Variants in CADM2 observed in about 807,000 individuals in gnomAD.
CADM2 encodes the protein immunoglobulin superfamily member 4D.
A neutral mutation model predicts 49.8 loss-of-function variants in CADM2; 12 were observed. The observed-to-expected ratio is 0.24, with a 90% CI of 0.15 to 0.39. CADM2 has a LOEUF of 0.39. CADM2 is among the 10% of genes least tolerant of loss of function. CADM2 has a pLI of 1.00. For missense variants in CADM2, 378 were observed against 492.3 expected (o/e 0.77, Z 2.20); for synonymous variants, 214 against 175.4 (o/e 1.22, Z -1.74).
At position 85,999,264 on chromosome 3, in the gene CADM2, C is replaced by T. The variant is rs539109580; in HGVS notation, c.970+37617C>T. 3.6e-4 allele frequency among the ~76,000 whole-genome samples: 48 copies of T among 135,156 alleles called. 1 individual carries two copies. Among genetic ancestry groups the T allele is most frequent in the African/African-American group, 1.3e-3 (46 of 35,788 alleles). 88.7% of individuals were successfully genotyped at this position (135,156 alleles called of 152,430 possible). A position where few individuals can be genotyped will look rare whatever the true frequency, so the allele number is the denominator to read the frequency against. ...CTGTAATCCCATCACTTTGGGAGGC[C>T]GAGGGTTGGGGGGTGGATCACTTGA... On this transcript the variant is annotated intron_variant, in intron 8 of 9. Transcript: ENST00000383699.
At chr3:85,880,963 T>C (rs1050451076) in intron 3 of CADM2, among the ~76,000 whole-genome samples, 1 of 152,228 alleles carries the variant, frequency 6.6e-6, no homozygotes, top group African/African-American at 2.4e-5. Flanking sequence ...CATTATTTCT[T>C]TGAATACCCT....
chr3:85,750,155 C>A (rs904977499), intron 2 of CADM2, among the ~76,000 whole-genome samples: 59 of 152,026 alleles, frequency 3.9e-4, no homozygotes, highest in African/African-American at 1.4e-3. Context: ...TGTTTAATAT[C>A]AAAAGTTCAA....
intron 2 of CADM2, among the ~76,000 whole-genome samples, chr3:85,770,335 C>A (rs726453): frequency 1.3e-5 from 2 of 151,670 alleles, no homozygotes; most frequent in African/African-American, 4.8e-5. Flanking sequence ...TGAGATAGGG[C>A]CTCGCTCTGT....
In CADM2 at chr3:85,960,901, AT is replaced by A. The variant is rs1238328235; in HGVS notation, c.792-565del. The stretch of plus-strand genomic sequence containing the variant: ...GTGCAAAGATTTTTATCTTTTTTAT[AT>A]TTATTTTATGTTTTATATTCTTATT... On this transcript the variant is annotated intron_variant, in intron 7 of 9. Transcript: ENST00000383699. 2.7e-5 allele frequency among the ~76,000 whole-genome samples: 4 copies of A among 149,496 alleles called. No individual in the cohort carries two copies. The East Asian group carries it at 7.8e-4, about 29-fold the overall frequency.
chr3:85,322,698 T>C (rs2044645826), intron 1 of CADM2, among the ~76,000 whole-genome samples: 1 of 152,224 alleles, frequency 6.6e-6, no homozygotes, highest in Non-Finnish European at 1.5e-5. Context: ...ATTATTTTTC[T>C]TTATAAAGAA....
chr3:86,048,692 C>T (rs888342625), intron 8 of CADM2, among the ~76,000 whole-genome samples: 11 of 152,024 alleles, frequency 7.2e-5, no homozygotes, highest in African/African-American at 2.2e-4. Context: ...TAACAATGTT[C>T]TTAAGCTTGG....
intron 1 of CADM2, among the ~76,000 whole-genome samples, chr3:85,342,812 T>C (rs1311504208): frequency 8.5e-5 from 13 of 152,168 alleles, no homozygotes; most frequent in Non-Finnish European, 4.4e-5. Flanking sequence ...GTCATGAAGA[T>C]TTTTAACCCA....
chr3:85,420,613 A>G (rs2036127443), intron 1 of CADM2, among the ~76,000 whole-genome samples: 1 of 152,166 alleles, frequency 6.6e-6, no homozygotes, highest in Admixed American at 6.5e-5. Flanking sequence ...AATTGTAATG[A>G]ATGGACTCAA....
chr3:85,453,797 T>C (rs1302296983), intron 1 of CADM2, among the ~76,000 whole-genome samples: 1 of 152,162 alleles, frequency 6.6e-6, no homozygotes, highest in Non-Finnish European at 1.5e-5. Flanking sequence ...GATCAAGTAA[T>C]TTTGGAATAT....
intron 1 of CADM2, among the ~76,000 whole-genome samples, chr3:85,129,340 C>T (rs368917487): frequency 1.3e-4 from 20 of 152,086 alleles, no homozygotes; most frequent in African/African-American, 4.6e-4. Context: ...CTCTTGACTA[C>T]CTAATATTTA....
chr3:85,896,231 A>C (rs1185210178), intron 5 of CADM2, among the ~76,000 whole-genome samples: 1 of 152,184 alleles, frequency 6.6e-6, no homozygotes, highest in Non-Finnish European at 1.5e-5. Context: ...GTTTGCAGAG[A>C]GCCATGATAG....
chr3:85,387,954 A>T (rs749318261), intron 1 of CADM2, among the ~76,000 whole-genome samples: 3 of 152,182 alleles, frequency 2.0e-5, no homozygotes, highest in Non-Finnish European at 4.4e-5. Context: ...TTTTTAAGTT[A>T]GATTATCTGC....
intron 3 of CADM2, among the ~76,000 whole-genome samples, chr3:85,815,872 T>C (rs2073173154): frequency 6.6e-6 from 1 of 152,160 alleles, no homozygotes; most frequent in Non-Finnish European, 1.5e-5. Context: ...GAAATCTCCT[T>C]AAGCTGATAA....
In CADM2 at chr3:84,974,761, T is replaced by G. The variant is rs1245875575; in HGVS notation, c.61+15093T>G. 2.0e-5 allele frequency among the ~76,000 whole-genome samples: 3 copies of G among 151,988 alleles called. No homozygotes were observed. In the East Asian group the frequency reaches 5.8e-4, roughly 29 times the overall value. On this transcript the variant is annotated intron_variant, in intron 1 of 9. Transcript: ENST00000383699. ...AAAAACCTTCCTAAGAAGCAAGATA[T>G]ATCACACTTTATTACTTACCTCATT...
intron 1 of CADM2, among the ~76,000 whole-genome samples, chr3:85,419,418 A>T (rs1242470212): frequency 1.3e-5 from 2 of 151,630 alleles, no homozygotes; most frequent in African/African-American, 4.8e-5. Context: ...AGATCGCGCC[A>T]CTGCACTCCA....
At chr3:85,158,968 TGTTA>T (rs1432982665) in intron 1 of CADM2, among the ~76,000 whole-genome samples, 1 of 152,122 alleles carries the variant, frequency 6.6e-6, no homozygotes, top group African/African-American at 2.4e-5. Context: ...TCTGCGTGTG[TGTTA>T]GTGTGTGAAT....
chr3:85,601,130 GTATATATATATA>G (rs375011644), intron 1 of CADM2, among the ~76,000 whole-genome samples: 21,545 of 109,580 alleles, frequency 0.2, 2,739 homozygotes, highest in East Asian at 0.34. Flanking sequence ...ATATATGTGT[GTATATATATATA>G]TATATATATA....
intron 1 of CADM2, among the ~76,000 whole-genome samples, chr3:85,197,821 T>C (rs1025589435): frequency 6.6e-6 from 1 of 151,940 alleles, no homozygotes; most frequent in African/African-American, 2.4e-5. Flanking sequence ...TAGGAGTACG[T>C]ATATAATTAA....
At chr3:85,651,281 ATGT>A (rs1183251234) in intron 1 of CADM2, among the ~76,000 whole-genome samples, 2 of 152,214 alleles carry the variant, frequency 1.3e-5, no homozygotes, top group East Asian at 1.9e-4. Context: ...GAGTTTGTTG[ATGT>A]TGTAGGTCAA....
Sources: gnomAD v4.1 joint callset for allele counts (sites outside exome capture counted in the v4.1 genomes callset) on GRCh38, gnomAD v4.1.1 for gene constraint, MANE v1.5 for transcripts, NCBI Gene and HGNC (gene_info 2026-07-23, HGNC 2026-07-21) for gene names.